Variants in CDIN1 observed in about 807,000 individuals in gnomAD.
CDIN1 encodes CDAN1 interacting nuclease 1, also known as CDAN1-interacting nuclease 1.
Under a neutral mutation model 45.3 loss-of-function variants are expected in CDIN1, and 33 were observed. The ratio of observed to expected loss-of-function variants is 0.73; its 90% CI spans 0.55 to 0.97. The LOEUF (loss-of-function observed/expected upper bound fraction) is 0.97, where lower values mean the gene tolerates loss of function less well. CDIN1 is among the 50% of genes least tolerant of loss of function. The pLI, the probability that CDIN1 is intolerant of heterozygous loss-of-function variation, is 0.00. For missense variants in CDIN1, 303 were observed against 339.4 expected (o/e 0.89, Z 0.84); for synonymous variants, 118 against 124.4 (o/e 0.95, Z 0.34).
At position 36,579,766 on chromosome 15, in the gene CDIN1, C is replaced by A; in HGVS notation, c.-95C>A. The stretch of plus-strand genomic sequence containing the variant: ...AAGCAGGCGAGGACCCGGGCCTGTG[C>A]CGCTTTGCCTACCCCTCATCCCTCG... On this transcript the variant is annotated 5_prime_UTR_variant, in exon 1 of 11. Transcript: ENST00000566621. The A allele has an allele frequency of 2.0e-6, 2 of 1,005,010 alleles. No individual in the cohort carries two copies. Among genetic ancestry groups the A allele is most frequent in the South Asian group, 1.5e-5 (1 of 65,212 alleles). The allele number at this position is 1,005,010 out of a possible 1,614,324, so 62.3% of individuals were successfully genotyped here. A position where few individuals can be genotyped will look rare whatever the true frequency, so the allele number is the denominator to read the frequency against.
intron 3 of CDIN1, among the ~76,000 whole-genome samples, chr15:36,652,061 C>T (rs991538850): frequency 6.6e-6 from 1 of 152,234 alleles, no homozygotes; most frequent in South Asian, 2.1e-4. Flanking sequence ...AGTCAGCTCT[C>T]ACCATGGCAT....
intron 4 of CDIN1, among the ~76,000 whole-genome samples, chr15:36,655,326 C>CTTTTTTTT (rs146085190): frequency 3.1e-5 from 4 of 129,582 alleles, no homozygotes; most frequent in Non-Finnish European, 3.4e-5. Context: ...TTTTTTTTTG[C>CTTTTTTTT]TTTTTTTTTT....
At chr15:36,696,192 TG>T (rs1288059326) in intron 7 of CDIN1, among the ~76,000 whole-genome samples, 1 of 152,178 alleles carries the variant, frequency 6.6e-6, no homozygotes, top group African/African-American at 2.4e-5. Flanking sequence ...TAGTAAGCAC[TG>T]AAAAAATATA....
At chr15:36,589,175 C>A (rs1032657859) in intron 1 of CDIN1, among the ~76,000 whole-genome samples, 1 of 152,020 alleles carries the variant, frequency 6.6e-6, no homozygotes, top group Non-Finnish European at 1.5e-5. Context: ...GTTTTTATTA[C>A]ACATTTTGTA....
At chr15:36,736,310 G>A (rs186685341) in intron 10 of CDIN1, among the ~76,000 whole-genome samples, 1 of 152,148 alleles carries the variant, frequency 6.6e-6, no homozygotes, top group Admixed American at 6.5e-5. Flanking sequence ...TTTGCCCTGT[G>A]CTTTGAAAAT....
intron 1 of CDIN1, chr15:36,618,596 C>CT: frequency 2.4e-6 from 2 of 839,318 alleles, no homozygotes; most frequent in Non-Finnish European, 4.2e-6. Context: ...AATAGGATGT[C>CT]TGATGTTGTT....
chr15:36,631,488 C>A (rs1411501969), intron 1 of CDIN1, among the ~76,000 whole-genome samples: 1 of 152,202 alleles, frequency 6.6e-6, no homozygotes, highest in Admixed American at 6.5e-5. Context: ...CTAGACATTT[C>A]ATACAAATAG....
intron 10 of CDIN1, among the ~76,000 whole-genome samples, chr15:36,788,262 A>G (rs1379762845): frequency 6.6e-6 from 1 of 151,476 alleles, no homozygotes; most frequent in Non-Finnish European, 1.5e-5. Flanking sequence ...GATGACAGGC[A>G]TGCGCCACCA....
intron 10 of CDIN1, among the ~76,000 whole-genome samples, chr15:36,773,885 C>A (rs1012515144): frequency 1.3e-5 from 2 of 152,200 alleles, no homozygotes; most frequent in African/African-American, 2.4e-5. Flanking sequence ...AGAACTCTGA[C>A]AAGGAGTTAT....
chr15:36,718,466 T>C lies in CDIN1; in HGVS notation c.716+8505T>C, dbSNP rs28824220. Among the ~76,000 whole-genome samples the C allele has an allele frequency of 2.0e-3, 299 of 152,250 alleles. 1 individual carries two copies. The highest frequency in any genetic ancestry group is 7.0e-3 in the African/African-American group (291 of 41,554). ...GGGAAGAATTAACATCTTAATAATA[T>C]TGAATCTTCTGATCCATGAACCTGA... On this transcript the variant is annotated intron_variant, in intron 10 of 10. Transcript: ENST00000566621.
At chr15:36,660,598 T>C (rs560961722) in intron 5 of CDIN1, among the ~76,000 whole-genome samples, 2 of 152,220 alleles carry the variant, frequency 1.3e-5, no homozygotes, top group East Asian at 3.8e-4. Context: ...GGGTATGATA[T>C]ATACATTCTG....
rs1045053142 is a variant in CDIN1 at position 36,709,090 on chromosome 15, C to T, written c.545-133C>T. ...AGAAAGTTCATTATTTCTGACACAGCACTGCATGCATAAGAAAGATATGTA... is the reference window on the plus strand; with the variant it reads ...AGAAAGTTCATTATTTCTGACACAGTACTGCATGCATAAGAAAGATATGTA... On this transcript the variant is annotated intron_variant, in intron 8 of 10. Coordinates refer to ENST00000566621, the MANE Select transcript of CDIN1 (RefSeq NM_001321759.2). 3 of 587,040 alleles carry T rather than the reference C, an allele frequency of 5.1e-6. No homozygotes were observed. In the African/African-American group the frequency reaches 5.7e-5, roughly 11 times the overall value. 36.4% of individuals were successfully genotyped at this position (587,040 alleles called of 1,614,324 possible).
intron 1 of CDIN1, chr15:36,627,918 T>G (rs963948867): frequency 2.7e-5 from 4 of 148,852 alleles, no homozygotes; most frequent in East Asian, 2.0e-4. Context: ...CAGCTGCCCC[T>G]GCCGGAGAAG....
intron 10 of CDIN1, among the ~76,000 whole-genome samples, chr15:36,713,643 C>G (rs552556217): frequency 2.0e-5 from 3 of 152,138 alleles, no homozygotes; most frequent in Admixed American, 2.0e-4. Context: ...AGCACTTTCA[C>G]AGTGCCTGGC....
chr15:36,631,824 T>G (rs2039691564), intron 1 of CDIN1, among the ~76,000 whole-genome samples: 1 of 152,186 alleles, frequency 6.6e-6, no homozygotes, highest in South Asian at 2.1e-4. Flanking sequence ...AATTTATTTA[T>G]GTATATTTAT....
intron 5 of CDIN1, among the ~76,000 whole-genome samples, chr15:36,670,235 C>T (rs2041400040): frequency 6.6e-6 from 1 of 152,072 alleles, no homozygotes; most frequent in South Asian, 2.1e-4. Context: ...CATACTCCTT[C>T]TTCTCTTGTC....
intron 7 of CDIN1, among the ~76,000 whole-genome samples, chr15:36,692,428 A>C (rs1441399534): frequency 6.6e-6 from 1 of 152,226 alleles, no homozygotes; most frequent in Non-Finnish European, 1.5e-5. Context: ...CCTGGTTTTC[A>C]ATGAGTTTAC....
intron 1 of CDIN1, chr15:36,614,015 A>T: frequency 1.5e-6 from 2 of 1,327,542 alleles, no homozygotes; most frequent in Non-Finnish European, 2.2e-6. Flanking sequence ...TCTCAAAAAG[A>T]AGACAAATAT....
At chr15:36,740,887 C>G (rs1595542533) in intron 10 of CDIN1, among the ~76,000 whole-genome samples, 1 of 145,168 alleles carries the variant, frequency 6.9e-6, no homozygotes, top group East Asian at 2.0e-4. Flanking sequence ...GAGACTCCAT[C>G]TCAAAAAAAA....
Sources: allele counts gnomAD v4.1 joint callset (sites outside exome capture counted in the v4.1 genomes callset), GRCh38; gene constraint gnomAD v4.1.1; transcripts MANE v1.5; gene names NCBI Gene and HGNC (gene_info 2026-07-23, HGNC 2026-07-21).